The following KCNK2 variants were observed in gnomAD, a reference collection of about 807,000 sequenced individuals.
The protein encoded by KCNK2 is potassium two pore domain channel subfamily K member 2.
In KCNK2, 21 loss-of-function variants were observed where a neutral mutation model predicts 40.5. That is an observed-to-expected ratio of 0.52 (90% CI 0.37 to 0.75). The LOEUF (loss-of-function observed/expected upper bound fraction) is 0.75. Among genes scored for constraint, KCNK2 ranks in the 30% least tolerant of loss-of-function variants. KCNK2 has a pLI of 0.00. For missense variants in KCNK2, 399 were observed against 531.6 expected, an observed-to-expected ratio of 0.75 and a Z score of 2.45; for synonymous variants, 191 against 202.2, an observed-to-expected ratio of 0.94 and a Z score of 0.47.
intron 1 of KCNK2, among the ~76,000 whole-genome samples, chr1:215,024,292 G>C (rs529611405): frequency 1.3e-5 from 2 of 152,274 alleles, no homozygotes; most frequent in East Asian, 1.9e-4. Flanking sequence ...GGACTTGCAG[G>C]CTGGAGCCAA....
At chr1:215,142,151 AATC>A in intron 3 of KCNK2, among the ~76,000 whole-genome samples, 1 of 152,128 alleles carries the variant, frequency 6.6e-6, no homozygotes, top group South Asian at 2.1e-4. Context: ...GTTTCCTTTC[AATC>A]ATCTATTTTT....
At position 215,066,671 on chromosome 1, in the gene KCNK2, A is replaced by G. The variant is rs1402491249; in HGVS notation, c.35-19697A>G. 3.9e-5 allele frequency among the ~76,000 whole-genome samples: 6 copies of G among 152,160 alleles called. No individual in the cohort carries two copies. In the East Asian group the frequency reaches 1.2e-3, roughly 29 times the overall value. ...TTTGCTTCCATGCAATAGTCAGTAGAGAGGGCTGACCAAGGTAGTCTGATA... is the reference window on the plus strand; with the variant it reads ...TTTGCTTCCATGCAATAGTCAGTAGGGAGGGCTGACCAAGGTAGTCTGATA... On this transcript the variant is annotated intron_variant, in intron 1 of 6. Transcript: ENST00000391895.
chr1:215,012,550 C>T (rs1405351370), intron 1 of KCNK2, among the ~76,000 whole-genome samples: 3 of 151,544 alleles, frequency 2.0e-5, no homozygotes, highest in African/African-American at 7.3e-5. Flanking sequence ...TAGTTCACAG[C>T]AGCCTCTAAC....
At chr1:215,124,807 ATTTG>A in intron 3 of KCNK2, 57 bp downstream of exon 3, 1 of 1,031,140 alleles carries the variant, frequency 9.7e-7, no homozygotes, top group Non-Finnish European at 1.5e-6. Context: ...GCTAAAATCC[ATTTG>A]TTTGAATTTT....
At chr1:215,210,642 A>G (rs912646776) in intron 6 of KCNK2, among the ~76,000 whole-genome samples, 2 of 152,088 alleles carry the variant, frequency 1.3e-5, no homozygotes, top group African/African-American at 2.4e-5. Context: ...ACAGTTTTAT[A>G]TATATATAGA....
At chr1:215,020,119 G>A (rs1187801418) in intron 1 of KCNK2, among the ~76,000 whole-genome samples, 1 of 152,008 alleles carries the variant, frequency 6.6e-6, no homozygotes, top group East Asian at 1.9e-4. Flanking sequence ...CAAACCTTTG[G>A]TAATTCGTTA....
intron 3 of KCNK2, among the ~76,000 whole-genome samples, chr1:215,157,500 G>T (rs926661624): frequency 1.3e-5 from 2 of 152,164 alleles, no homozygotes; most frequent in African/African-American, 4.8e-5. Context: ...AAGCCAGAAT[G>T]ACTGCCATTC....
At chr1:215,136,185 T>C (rs919313883) in intron 3 of KCNK2, among the ~76,000 whole-genome samples, 5 of 152,052 alleles carry the variant, frequency 3.3e-5, no homozygotes, top group African/African-American at 9.7e-5. Context: ...AACCTCCACC[T>C]CCTAGGTTCA....
At chr1:215,152,809 A>G (rs558833961) in intron 3 of KCNK2, among the ~76,000 whole-genome samples, 1 of 152,096 alleles carries the variant, frequency 6.6e-6, no homozygotes. Flanking sequence ...TTGGAGTAAT[A>G]GAGTTCTACC....
At chr1:215,114,422 C>A (rs1458190830) in intron 2 of KCNK2, among the ~76,000 whole-genome samples, 2 of 152,050 alleles carry the variant, frequency 1.3e-5, no homozygotes, top group East Asian at 1.9e-4. Context: ...GGACAGGTGT[C>A]AAAGGGTAGC....
chr1:215,154,482 C>G (rs991435866), intron 3 of KCNK2, among the ~76,000 whole-genome samples: 1 of 151,486 alleles, frequency 6.6e-6, no homozygotes, highest in Non-Finnish European at 1.5e-5. Context: ...GGATATTAGA[C>G]CTTTGTCAGA....
intron 6 of KCNK2, among the ~76,000 whole-genome samples, chr1:215,197,969 A>G (rs1419005383): frequency 6.6e-6 from 1 of 151,740 alleles, no homozygotes; most frequent in Non-Finnish European, 1.5e-5. Context: ...ACTGTACTCC[A>G]GCCTGGGTAA....
chr1:215,146,577 C>T (rs954961773), intron 3 of KCNK2, among the ~76,000 whole-genome samples: 7 of 152,112 alleles, frequency 4.6e-5, no homozygotes, highest in African/African-American at 1.7e-4. Flanking sequence ...TGTTTTGATG[C>T]ACCTATATAT....
intron 3 of KCNK2, among the ~76,000 whole-genome samples, chr1:215,142,404 A>G (rs1292656632): frequency 6.6e-6 from 1 of 152,170 alleles, no homozygotes. Context: ...ATATTAAAAT[A>G]GACAAAAATT....
At chr1:215,180,994 A>G (rs2102648711) in intron 5 of KCNK2, among the ~76,000 whole-genome samples, 1 of 152,262 alleles carries the variant, frequency 6.6e-6, no homozygotes, top group Middle Eastern at 3.4e-3. Context: ...CAGGAATGCC[A>G]ATAATTTTTT....
intron 1 of KCNK2, among the ~76,000 whole-genome samples, chr1:215,020,228 A>C (rs528387329): frequency 7.0e-4 from 107 of 152,304 alleles, no homozygotes; most frequent in Non-Finnish European, 1.3e-3. Context: ...CTTTGGACCA[A>C]ATCTATTGAA....
intron 1 of KCNK2, chr1:215,083,746 T>G: frequency 4.3e-6 from 2 of 465,800 alleles, no homozygotes; most frequent in Non-Finnish European, 7.8e-6. Context: ...GCAGGACTCA[T>G]GGTGACCCCG....
chr1:215,140,211 C>G (rs1394580160), intron 3 of KCNK2, among the ~76,000 whole-genome samples: 1 of 152,104 alleles, frequency 6.6e-6, no homozygotes, highest in Non-Finnish European at 1.5e-5. Flanking sequence ...ACTAGTTATA[C>G]TGTCTGTCTT....
intron 1 of KCNK2, among the ~76,000 whole-genome samples, chr1:215,039,561 A>G (rs879812423): frequency 7.2e-5 from 11 of 152,198 alleles, no homozygotes; most frequent in Admixed American, 6.6e-5. Context: ...GAGGAACTCA[A>G]TTGAAATATA....
Sources: allele counts gnomAD v4.1 joint callset (sites outside exome capture counted in the v4.1 genomes callset), GRCh38; gene constraint gnomAD v4.1.1; transcripts MANE v1.5; gene names NCBI Gene and HGNC (gene_info 2026-07-23, HGNC 2026-07-21).